Variants in TMEM8B observed in about 807,000 individuals in gnomAD.
TMEM8B encodes the protein nasopharyngeal carcinoma expressed 6.
A neutral mutation model predicts 49.3 loss-of-function variants in TMEM8B; 29 were observed. That is an observed-to-expected ratio of 0.59 (90% CI 0.44 to 0.80). The LOEUF (loss-of-function observed/expected upper bound fraction) is 0.80, where lower values mean the gene tolerates loss of function less well. TMEM8B is among the 30% of genes least tolerant of loss of function. The probability of loss-of-function intolerance (pLI) is 0.00; values close to 1 mark genes in which losing one functional copy is unlikely to be tolerated. For missense variants in TMEM8B, 575 were observed against 658.5 expected (o/e 0.87, Z 1.39); for synonymous variants, 264 against 272.8 (o/e 0.97, Z 0.32).
At chr9:35,851,111 T>TTTTA (rs1041885911) in intron 10 of TMEM8B, among the ~76,000 whole-genome samples, 3 of 152,126 alleles carry the variant, frequency 2.0e-5, no homozygotes, top group Admixed American at 2.0e-4. Context: ...ACTTAACCAT[T>TTTTA]TTTATTTATT....
intron 1 of TMEM8B, among the ~76,000 whole-genome samples, chr9:35,832,647 C>T (rs1262611577): frequency 6.6e-6 from 1 of 152,142 alleles, no homozygotes; most frequent in Non-Finnish European, 1.5e-5. Flanking sequence ...GGGTCTGCAC[C>T]GAGGGACTGA....
intron 6 of TMEM8B, chr9:35,845,733 C>T: frequency 1.0e-6 from 1 of 985,434 alleles, no homozygotes; most frequent in Non-Finnish European, 1.2e-6. Context: ...GCCCAAAGAA[C>T]AGATTCAAAA....
At chr9:35,846,408 C>G (rs1831567604) in intron 8 of TMEM8B, 27 bp downstream of exon 8, 15 of 1,604,548 alleles carry the variant, frequency 9.3e-6, no homozygotes, top group Non-Finnish European at 1.3e-5. Context: ...GGGGCCAGGG[C>G]TGGGACCGGG....
Position 35,834,608 on chromosome 9 carries a change from G to T in TMEM8B, c.656G>T (p.Gly219Val), listed in dbSNP as rs1184613460. 1 of 415,812 alleles carries T rather than the reference G, an allele frequency of 2.4e-6. No individual in the cohort carries two copies. The highest frequency in any genetic ancestry group is 4.4e-5 in the Admixed American group (1 of 22,718). The allele number at this position is 415,812 out of a possible 1,614,324, so 25.8% of individuals were successfully genotyped here. Residue 219 changes from glycine (G) to valine (V), a missense_variant, in exon 2 of 13, where the codon GGG becomes GTG. Coordinates refer to ENST00000643932, the MANE Select transcript of TMEM8B (RefSeq NM_001042590.4). ...AACCTCATCATCTTCAAGGAGCAAG[G>T]GGGAACTTTTGGGGACCACTGCCCA... The part of the protein sequence containing the change: ...VWNLIIFKEQ[G>V]GTFGDHCPDQ...
Position 35,863,987 on chromosome 9 carries a change from G to A in TMEM8B, c.*10147G>A, listed in dbSNP as rs1320869294. 2.0e-5 allele frequency: 3 copies of A among 152,260 alleles called. No homozygotes were observed. The highest frequency in any genetic ancestry group is 1.5e-5 in the Non-Finnish European group (1 of 68,080). The allele number at this position is 152,260 out of a possible 1,614,324, so 9.4% of individuals were successfully genotyped here. A position where few individuals can be genotyped will look rare whatever the true frequency, so the allele number is the denominator to read the frequency against. On this transcript the variant is annotated 3_prime_UTR_variant, in exon 13 of 13. Transcript: ENST00000643932. The stretch of plus-strand genomic sequence containing the variant: ...TCAGAGTCACAGAGGGATAGGACCT[G>A]GAGTGTCTCTGAAAATAGCTGCCTG...
intron 10 of TMEM8B, among the ~76,000 whole-genome samples, chr9:35,848,593 T>G (rs1831835925): frequency 6.6e-6 from 1 of 152,100 alleles, no homozygotes; most frequent in Non-Finnish European, 1.5e-5. Context: ...TGAAAAGACC[T>G]TCCCTGTAGC....
chr9:35,841,666 G>C lies in TMEM8B; in HGVS notation c.1181G>C (p.Gly394Ala). Residue 394 changes from glycine to alanine, a missense_variant, in exon 5 of 13, where the codon GGA (glycine) becomes GCA (alanine). Transcript: ENST00000643932. The surrounding 1 kb of genome is among the most constrained non-coding windows in gnomAD (Gnocchi z 5.9). The stretch of plus-strand genomic sequence containing the variant: ...CACAACTCAAGCTCTGTGGCCTGTG[G>C]AGGTGCCTCAGGATGCCAGCTGGAG... Reference protein sequence around the residue: ...PLHNSSSVACGGASGCQLELA... With the variant: ...PLHNSSSVACAGASGCQLELA... 2.4e-6 allele frequency: 1 copy of C among 415,996 alleles called. No homozygotes were observed. The highest frequency in any genetic ancestry group is 4.4e-6 in the Non-Finnish European group (1 of 226,530). 25.8% of individuals were successfully genotyped at this position (415,996 alleles called of 1,614,324 possible).
Position 35,842,734 on chromosome 9 carries a change from G to C in TMEM8B, c.1635+17G>C. 6.3e-7 allele frequency: 1 copy of C among 1,591,626 alleles called. No homozygotes were observed. Among genetic ancestry groups the C allele is most frequent in the Non-Finnish European group, 8.6e-7 (1 of 1,166,144 alleles). Reference sequence around the variant, plus strand: ...CTCAATGCGGTACTCTTTATGGAGAGTGGGGAGGTTGCTCTGCCAGGGAGC... The same window carrying C: ...CTCAATGCGGTACTCTTTATGGAGACTGGGGAGGTTGCTCTGCCAGGGAGC... On this transcript the variant is annotated intron_variant, in intron 6 of 12. Transcript: ENST00000643932. The surrounding 1 kb of genome is among the most constrained non-coding windows in gnomAD (Gnocchi z 5.6).
Position 35,829,738 on chromosome 9 carries a change from A to G in TMEM8B, c.291A>G (p.Pro97=). Residue 97 remains proline, a synonymous_variant, in exon 1 of 13, where the codon CCA becomes CCG. Coordinates refer to ENST00000643932, the MANE Select transcript of TMEM8B (RefSeq NM_001042590.4). ...LLQSPSQPFL[P]SHSLPLFKPQ... is the part of the protein sequence containing the mutation. ...AGTCCCCATCACAGCCCTTCCTTCC[A>G]TCCCACTCCCTGCCCTTGTTCAAGC... 2.4e-6 allele frequency: 1 copy of G among 410,680 alleles called. No homozygotes were observed. Among genetic ancestry groups the G allele is most frequent in the East Asian group, 3.6e-5 (1 of 28,114 alleles). 25.4% of individuals were successfully genotyped at this position (410,680 alleles called of 1,614,324 possible).
intron 1 of TMEM8B, among the ~76,000 whole-genome samples, chr9:35,830,677 G>A (rs1017186292): frequency 6.6e-6 from 1 of 152,064 alleles, no homozygotes; most frequent in Non-Finnish European, 1.5e-5. Context: ...CCACTGCAAT[G>A]TATACTTAAT....
Position 35,856,202 on chromosome 9 carries a change from C to T in TMEM8B, c.*2362C>T, listed in dbSNP as rs112082758. 1.3e-5 allele frequency: 2 copies of T among 152,226 alleles called. No individual in the cohort carries two copies. Among genetic ancestry groups the T allele is most frequent in the African/African-American group, 2.4e-5 (1 of 41,446 alleles). The allele number at this position is 152,226 out of a possible 1,614,324, so 9.4% of individuals were successfully genotyped here. On this transcript the variant is annotated 3_prime_UTR_variant, in exon 13 of 13. Coordinates refer to ENST00000643932, the MANE Select transcript of TMEM8B (RefSeq NM_001042590.4). ...CCTTCCCTGAGATTTTCATCACTCCCTGTGGTCTTCAGTCAGTAAAGCTCT... is the reference window on the plus strand; with the variant it reads ...CCTTCCCTGAGATTTTCATCACTCCTTGTGGTCTTCAGTCAGTAAAGCTCT...
chr9:35,843,024 T>A (rs773215810), intron 6 of TMEM8B, among the ~76,000 whole-genome samples: 4 of 152,206 alleles, frequency 2.6e-5, no homozygotes. Context: ...GCAAATCTCC[T>A]TTGATGGGGA....
intron 10 of TMEM8B, among the ~76,000 whole-genome samples, chr9:35,850,955 G>A (rs962035888): frequency 9.9e-5 from 15 of 152,134 alleles, no homozygotes; most frequent in African/African-American, 3.4e-4. Flanking sequence ...TGGTCTTGGA[G>A]GCAAAGAATA....
Position 35,853,212 on chromosome 9 carries a change from G to T in TMEM8B, c.2394G>T (p.Leu798=). ...LQLDRHGLWN[L]LGPSLFALGI... ...TTGACCGACATGGACTCTGGAACCT[G>T]CTTGGACCCAGTCTCTTCGCCCTGG... Residue 798 remains leucine, a synonymous_variant, in exon 12 of 13, where the codon CTG becomes CTT. Coordinates refer to ENST00000643932, the MANE Select transcript of TMEM8B (RefSeq NM_001042590.4). The surrounding 1 kb of genome is among the most constrained non-coding windows in gnomAD (Gnocchi z 4.2). 1 of 1,614,144 alleles carries T rather than the reference G, an allele frequency of 6.2e-7. No homozygotes were observed. Among genetic ancestry groups the T allele is most frequent in the South Asian group, 1.1e-5 (1 of 91,080 alleles).
rs1832572324 is a variant in TMEM8B, at chr9:35,857,468, C to T, written c.*3628C>T. The T allele has an allele frequency of 6.6e-6, 1 of 152,206 alleles. No individual in the cohort carries two copies. Among genetic ancestry groups the T allele is most frequent in the Non-Finnish European group, 1.5e-5 (1 of 68,064 alleles). 9.4% of individuals were successfully genotyped at this position (152,206 alleles called of 1,614,324 possible). The stretch of plus-strand genomic sequence containing the variant: ...TTATCAGAGAACAGCACAATACATA[C>T]AAGGGTGCGAAGACATGGGGGTGCG... On this transcript the variant is annotated 3_prime_UTR_variant, in exon 13 of 13. Coordinates refer to ENST00000643932, the MANE Select transcript of TMEM8B (RefSeq NM_001042590.4).
chr9:35,841,178 T>C lies in TMEM8B; in HGVS notation c.951T>C (p.Ile317=). The C allele has an allele frequency of 2.4e-6, 1 of 416,056 alleles. No individual in the cohort carries two copies. Among genetic ancestry groups the C allele is most frequent in the Non-Finnish European group, 4.4e-6 (1 of 226,640 alleles). 25.8% of individuals were successfully genotyped at this position (416,056 alleles called of 1,614,324 possible). A position where few individuals can be genotyped will look rare whatever the true frequency, so the allele number is the denominator to read the frequency against. ...ECQYLLQPQL[I]VRRLLDVAVL... is the part of the protein sequence containing the mutation. ...AGTACCTCCTTCAGCCGCAGCTGATTGTCCGGCGTTTGCTGGACGTCGCTG... is the reference window on the plus strand; with the variant it reads ...AGTACCTCCTTCAGCCGCAGCTGATCGTCCGGCGTTTGCTGGACGTCGCTG... Residue 317 remains isoleucine, a synonymous_variant, in exon 4 of 13, where the codon ATT becomes ATC. Transcript: ENST00000643932. This position sits in a 1 kb window ranked among gnomAD's most constrained non-coding sequence, Gnocchi z 5.9.
intron 3 of TMEM8B, among the ~76,000 whole-genome samples, chr9:35,836,215 CAG>C (rs779923090): frequency 7.2e-5 from 11 of 152,158 alleles, no homozygotes; most frequent in Non-Finnish European, 1.6e-4. Flanking sequence ...GCCTCAGTGA[CAG>C]GGCCGTTTTT....
rs1234254731 is a variant in TMEM8B, at chr9:35,833,288, CG to C, written c.509-1170del. 3.0e-6 allele frequency: 3 copies of C among 985,042 alleles called. No homozygotes were observed. In the African/African-American group the frequency reaches 5.2e-5, roughly 17 times the overall value. The allele number at this position is 985,042 out of a possible 1,614,324, so 61.0% of individuals were successfully genotyped here. On this transcript the variant is annotated intron_variant, in intron 1 of 12. Transcript: ENST00000643932. ...TCCAGAGTAGTCCTTATTCCAGCCC[CG>C]GGTCTGTCCTGAAGCTGCTGAGTTC... is the stretch of plus-strand genomic sequence containing the variant.
intron 3 of TMEM8B, among the ~76,000 whole-genome samples, chr9:35,840,425 G>C (rs1292011116): frequency 6.6e-6 from 1 of 152,192 alleles, no homozygotes; most frequent in Non-Finnish European, 1.5e-5. Context: ...ACATTCATCT[G>C]TGAGGTATGC....
Sources: gnomAD v4.1 joint callset for allele counts (sites outside exome capture counted in the v4.1 genomes callset) on GRCh38, gnomAD v4.1.1 for gene constraint, Gnocchi (gnomAD v3.1) non-coding constraint, MANE v1.5 for transcripts, NCBI Gene and HGNC (gene_info 2026-07-23, HGNC 2026-07-21) for gene names.